CNIH3: variants seen among roughly 807,000 people sequenced by gnomAD.
The protein encoded by CNIH3 is protein cornichon homolog 3.
A neutral mutation model predicts 24.1 loss-of-function variants in CNIH3; 14 were observed. The observed-to-expected ratio is 0.58, with a 90% CI of 0.38 to 0.91. The LOEUF (loss-of-function observed/expected upper bound fraction) is 0.91. CNIH3 is among the 40% of genes least tolerant of loss of function. The probability of loss-of-function intolerance (pLI) is 0.00; values close to 1 mark genes in which losing one functional copy is unlikely to be tolerated. For missense variants in CNIH3, 178 were observed against 196.8 expected, an observed-to-expected ratio of 0.90 and a Z score of 0.57; for synonymous variants, 68 against 73.8, an observed-to-expected ratio of 0.92 and a Z score of 0.40.
rs551588738 is a variant in CNIH3, at chr1:224,488,674, C to T, written n.204-27067C>T. ...GTAGAGACTAGGTTTCTCTATGTCA[C>T]CCAGACTAGTCTCAAACACCTGGCT... On this transcript the variant is annotated intron_variant and non_coding_transcript_variant, in intron 1 of 5. Transcript: ENST00000471578. Among the ~76,000 whole-genome samples, 8 of 152,220 alleles carry T rather than the reference C, an allele frequency of 5.3e-5. No homozygotes were observed. The South Asian group carries it at 1.7e-3, about 32-fold the overall frequency.
chr1:224,729,521 T>C (rs1223028498), intron 3 of CNIH3, among the ~76,000 whole-genome samples: 1 of 147,524 alleles, frequency 6.8e-6, no homozygotes, highest in East Asian at 2.0e-4. Flanking sequence ...GCCTAAACAA[T>C]ACAAAGTATA....
intron 1 of CNIH3, among the ~76,000 whole-genome samples, chr1:224,652,625 C>A (rs548758137): frequency 1.3e-5 from 2 of 152,212 alleles, no homozygotes; most frequent in Non-Finnish European, 2.9e-5. Context: ...GCGAGCCAGT[C>A]CTCTACTGTG....
intron 1 of CNIH3, among the ~76,000 whole-genome samples, chr1:224,460,025 T>C (rs977043306): frequency 2.0e-5 from 3 of 151,878 alleles, no homozygotes; most frequent in Non-Finnish European, 2.9e-5. Flanking sequence ...TACAGCCCCA[T>C]GCCACTACAC....
intron 1 of CNIH3, among the ~76,000 whole-genome samples, chr1:224,641,557 A>G (rs528639189): frequency 2.6e-5 from 4 of 152,316 alleles, no homozygotes; most frequent in South Asian, 4.1e-4. Flanking sequence ...GAAGAGAGCC[A>G]GGAACTTCCA....
chr1:224,531,890 G>C (rs1679085485), intron 2 of CNIH3, among the ~76,000 whole-genome samples: 1 of 152,168 alleles, frequency 6.6e-6, no homozygotes, highest in Non-Finnish European at 1.5e-5. Context: ...AGAGAGGCGA[G>C]AGAAGGCATT....
chr1:224,479,830 C>A (rs1313144775), intron 1 of CNIH3, among the ~76,000 whole-genome samples: 2 of 152,222 alleles, frequency 1.3e-5, no homozygotes, highest in Admixed American at 6.5e-5. Flanking sequence ...TGGCTGCTTT[C>A]ATGGGCTGGC....
intron 3 of CNIH3, among the ~76,000 whole-genome samples, chr1:224,595,855 C>T (rs1347945570): frequency 2.6e-5 from 4 of 152,216 alleles, no homozygotes; most frequent in African/African-American, 9.6e-5. Flanking sequence ...TAACCCAGAG[C>T]AAGGCCCTAA....
chr1:224,595,481 T>C (rs1681940621), intron 3 of CNIH3, among the ~76,000 whole-genome samples: 1 of 152,252 alleles, frequency 6.6e-6, no homozygotes, highest in East Asian at 1.9e-4. Flanking sequence ...CCTATCTGTC[T>C]CCTTTTCCTT....
chr1:224,454,294 G>A (rs990968369), intron 1 of CNIH3: 51 of 803,628 alleles, frequency 6.3e-5, no homozygotes, highest in Non-Finnish European at 7.1e-5. Context: ...GCTTCTAGCT[G>A]TCCTTCCACT....
intron 3 of CNIH3, among the ~76,000 whole-genome samples, chr1:224,595,170 G>C (rs1454749689): frequency 6.6e-6 from 1 of 152,130 alleles, no homozygotes; most frequent in African/African-American, 2.4e-5. Flanking sequence ...CCTCAACCTT[G>C]CAATAAGCTG....
intron 1 of CNIH3, among the ~76,000 whole-genome samples, chr1:224,637,871 GT>G (rs967959751): frequency 2.0e-5 from 3 of 152,110 alleles, no homozygotes; most frequent in Non-Finnish European, 4.4e-5. Context: ...CACACCCCCA[GT>G]CCCCCTGTCT....
intron 2 of CNIH3, among the ~76,000 whole-genome samples, chr1:224,683,467 A>G (rs1395344461): frequency 6.6e-6 from 1 of 152,194 alleles, no homozygotes; most frequent in Non-Finnish European, 1.5e-5. Context: ...AGAGCCCCCA[A>G]GGCAGCATTT....
At chr1:224,723,636 A>C (rs1251084186) in intron 3 of CNIH3, among the ~76,000 whole-genome samples, 1 of 152,184 alleles carries the variant, frequency 6.6e-6, no homozygotes, top group Non-Finnish European at 1.5e-5. Flanking sequence ...GTCCTGGCTC[A>C]CTCAGGCAGA....
chr1:224,621,904 GA>G (rs1457211176), intron 1 of CNIH3, among the ~76,000 whole-genome samples: 1 of 152,146 alleles, frequency 6.6e-6, no homozygotes, highest in Non-Finnish European at 1.5e-5. Context: ...AATCGTGGGG[GA>G]TGGGGTTTTT....
intron 1 of CNIH3, among the ~76,000 whole-genome samples, chr1:224,447,897 A>T (rs1675231571): frequency 6.6e-6 from 1 of 152,236 alleles, no homozygotes; most frequent in Non-Finnish European, 1.5e-5. Flanking sequence ...TAACATTATT[A>T]TTGTTTTTAC....
At chr1:224,654,040 C>A (rs1483131016) in intron 1 of CNIH3, among the ~76,000 whole-genome samples, 1 of 151,464 alleles carries the variant, frequency 6.6e-6, no homozygotes, top group East Asian at 1.9e-4. Flanking sequence ...GTGATTGTGC[C>A]ACTGTGCTCC....
chr1:224,667,548 C>T (rs973910531), intron 1 of CNIH3, among the ~76,000 whole-genome samples: 9 of 152,284 alleles, frequency 5.9e-5, no homozygotes, highest in East Asian at 3.9e-4. Flanking sequence ...CAAAGGCTAA[C>T]GCTTTATATT....
intron 3 of CNIH3, among the ~76,000 whole-genome samples, chr1:224,560,777 A>T (rs1330584291): frequency 6.6e-6 from 1 of 152,084 alleles, no homozygotes; most frequent in Non-Finnish European, 1.5e-5. Flanking sequence ...CATATATTAC[A>T]ATGTAATAAT....
chr1:224,727,261 T>C (rs1689081019), intron 3 of CNIH3, among the ~76,000 whole-genome samples: 1 of 152,170 alleles, frequency 6.6e-6, no homozygotes, highest in Non-Finnish European at 1.5e-5. Context: ...TGAGATAGGT[T>C]AAATCATGCT....
Sources: gnomAD v4.1 joint callset for allele counts (sites outside exome capture counted in the v4.1 genomes callset) on GRCh38, gnomAD v4.1.1 for gene constraint, MANE v1.5 for transcripts, NCBI Gene and HGNC (gene_info 2026-07-23, HGNC 2026-07-21) for gene names.